The following KIAA0825 variants were observed in gnomAD, a reference collection of about 807,000 sequenced individuals.
KIAA0825 encodes uncharacterized protein KIAA0825.
In KIAA0825, 119 loss-of-function variants were observed where a neutral mutation model predicts 147.6. The observed-to-expected ratio is 0.81, with a 90% CI of 0.69 to 0.94. The LOEUF is 0.94. Ranked by LOEUF, KIAA0825 falls within the 40% of genes least tolerant of loss-of-function variation. The pLI is 0.00. For synonymous variants in KIAA0825, 470 were observed against 518.1 expected, an observed-to-expected ratio of 0.91 and a Z score of 1.26; for missense variants, 1,381 against 1,472.7, an observed-to-expected ratio of 0.94 and a Z score of 1.02.
intron 20 of KIAA0825, among the ~76,000 whole-genome samples, chr5:94,218,802 T>C (rs1482658882): frequency 6.6e-6 from 1 of 152,218 alleles, no homozygotes; most frequent in African/African-American, 2.4e-5. Flanking sequence ...CTTCCAGATC[T>C]CCATCAAATT....
chr5:94,532,425 G>C (rs1490381745), intron 3 of KIAA0825, among the ~76,000 whole-genome samples: 1 of 151,980 alleles, frequency 6.6e-6, no homozygotes, highest in African/African-American at 2.4e-5. Context: ...AAAGTGCTGC[G>C]ATTATAGGCA....
chr5:94,346,606 G>A (rs891287018), intron 20 of KIAA0825, among the ~76,000 whole-genome samples: 1 of 152,160 alleles, frequency 6.6e-6, no homozygotes, highest in South Asian at 2.1e-4. Flanking sequence ...TTTACCTGGA[G>A]CTGAGTCTAT....
intron 1 of KIAA0825, among the ~76,000 whole-genome samples, chr5:94,587,741 A>C (rs1471381007): frequency 6.6e-6 from 1 of 152,212 alleles, no homozygotes; most frequent in African/African-American, 2.4e-5. Flanking sequence ...TAGCCAAGAC[A>C]ATCCTTAGCA....
chr5:94,326,290 A>G (rs1298214644), intron 20 of KIAA0825, among the ~76,000 whole-genome samples: 1 of 152,134 alleles, frequency 6.6e-6, no homozygotes, highest in Non-Finnish European at 1.5e-5. Context: ...AAATTCACTC[A>G]GCAGCATTTC....
Position 94,386,229 on chromosome 5 carries a change from AT to A in KIAA0825, c.3619+12del, listed in dbSNP as rs1749122774. 2 of 1,530,546 alleles carry A rather than the reference AT, an allele frequency of 1.3e-6. No homozygotes were observed. The highest frequency in any genetic ancestry group is 2.5e-5 in the South Asian group (2 of 80,554). The allele number at this position is 1,530,546 out of a possible 1,614,324, so 94.8% of individuals were successfully genotyped here. A position where few individuals can be genotyped will look rare whatever the true frequency, so the allele number is the denominator to read the frequency against. ...ACCACACATTTAAATTAAATTTACC[AT>A]TTAATTTCCACATACCTGATCTAGC... On this transcript the variant is annotated intron_variant, in intron 19 of 20. Transcript: ENST00000682413.
chr5:94,211,228 G>T (rs1215260555), intron 20 of KIAA0825, among the ~76,000 whole-genome samples: 1 of 152,096 alleles, frequency 6.6e-6, no homozygotes, highest in Non-Finnish European at 1.5e-5. Context: ...AATTTAGCTT[G>T]GGTTTCACCT....
At chr5:94,352,321 C>T (rs1476904917) in intron 20 of KIAA0825, among the ~76,000 whole-genome samples, 1 of 152,158 alleles carries the variant, frequency 6.6e-6, no homozygotes, top group African/African-American at 2.4e-5. Context: ...TGAGAAAATG[C>T]TCAGCATCAC....
chr5:94,514,902 GA>G (rs929457221), intron 5 of KIAA0825, among the ~76,000 whole-genome samples: 23 of 151,644 alleles, frequency 1.5e-4, no homozygotes, highest in African/African-American at 4.8e-4. Context: ...AAGGGACTAT[GA>G]AAAAAAAGGT....
chr5:94,271,182 G>C (rs1034143473), intron 20 of KIAA0825, among the ~76,000 whole-genome samples: 1 of 151,938 alleles, frequency 6.6e-6, no homozygotes, highest in South Asian at 2.1e-4. Context: ...AACATTATAA[G>C]AACTCTCCAG....
intron 10 of KIAA0825, among the ~76,000 whole-genome samples, chr5:94,468,729 CA>C (rs1437152075): frequency 1.3e-5 from 2 of 148,208 alleles, no homozygotes; most frequent in Non-Finnish European, 3.0e-5. Flanking sequence ...GGGCATAAAT[CA>C]AACCACAGGA....
At chr5:94,511,937 T>A (rs1340140699) in intron 5 of KIAA0825, among the ~76,000 whole-genome samples, 2 of 151,494 alleles carry the variant, frequency 1.3e-5, no homozygotes, top group African/African-American at 2.4e-5. Context: ...TGCAGTGAGC[T>A]GAGATTGCAC....
At chr5:94,193,321 G>A (rs569708547) in intron 20 of KIAA0825, among the ~76,000 whole-genome samples, 3 of 152,292 alleles carry the variant, frequency 2.0e-5, no homozygotes, top group African/African-American at 7.2e-5. Context: ...AAGTCACACA[G>A]CTAATAATAA....
intron 2 of KIAA0825, among the ~76,000 whole-genome samples, chr5:94,538,535 G>A (rs940655571): frequency 1.3e-5 from 2 of 152,220 alleles, no homozygotes; most frequent in East Asian, 1.9e-4. Flanking sequence ...AAAGCTGTAT[G>A]CCATGAACGG....
chr5:94,267,254 T>G (rs1014182360), intron 20 of KIAA0825, among the ~76,000 whole-genome samples: 3 of 152,110 alleles, frequency 2.0e-5, no homozygotes, highest in African/African-American at 4.8e-5. Context: ...GGTGGGTGAG[T>G]TAGCCAGTGG....
At chr5:94,497,033 G>A (rs1199551539) in intron 5 of KIAA0825, among the ~76,000 whole-genome samples, 3 of 152,042 alleles carry the variant, frequency 2.0e-5, no homozygotes, top group Admixed American at 6.6e-5. Flanking sequence ...GATTTGCCAC[G>A]GCATTAATTA....
chr5:94,359,688 C>T (rs1486153353), intron 20 of KIAA0825, among the ~76,000 whole-genome samples: 1 of 152,360 alleles, frequency 6.6e-6, no homozygotes, highest in Non-Finnish European at 1.5e-5. Flanking sequence ...TACCTATTAG[C>T]TCTCTGACTT....
Position 94,530,157 on chromosome 5 carries a change from G to A in KIAA0825, c.132-6059C>T, listed in dbSNP as rs554051848. 1.1e-4 allele frequency among the ~76,000 whole-genome samples: 16 copies of A among 150,236 alleles called. No individual in the cohort carries two copies. The South Asian group carries it at 3.3e-3, about 31-fold the overall frequency. On this transcript the variant is annotated intron_variant, in intron 3 of 20. Coordinates refer to ENST00000682413, the MANE Select transcript of KIAA0825 (RefSeq NM_001145678.3). The stretch of plus-strand genomic sequence containing the variant: ...GTGCTGGCACATACCTGTAATCCCA[G>A]CTACTTGGGAGGCTGGGGCAGAAGA...
chr5:94,157,877 TAGCA>T (rs1767180718), intron 20 of KIAA0825, among the ~76,000 whole-genome samples: 1 of 152,122 alleles, frequency 6.6e-6, no homozygotes. Flanking sequence ...ATATCCTTGG[TAGCA>T]TTGGTCCAGG....
intron 20 of KIAA0825, among the ~76,000 whole-genome samples, chr5:94,320,869 T>G (rs1020771208): frequency 3.3e-5 from 5 of 152,064 alleles, no homozygotes; most frequent in African/African-American, 1.2e-4. Context: ...TTTGCACAAT[T>G]TTTTTGGAAT....
Sources: gnomAD v4.1 joint callset for allele counts (sites outside exome capture counted in the v4.1 genomes callset) on GRCh38, gnomAD v4.1.1 for gene constraint, MANE v1.5 for transcripts, NCBI Gene and HGNC (gene_info 2026-07-23, HGNC 2026-07-21) for gene names.